The following UNC13C variants were observed in gnomAD, a reference collection of about 807,000 sequenced individuals.
The protein encoded by UNC13C is protein unc-13 homolog C.
A neutral mutation model predicts 245.4 loss-of-function variants in UNC13C; 174 were observed. That is an observed-to-expected ratio of 0.71 (90% confidence interval 0.63 to 0.80). The LOEUF is 0.80. Among genes scored for constraint, UNC13C ranks in the 30% least tolerant of loss-of-function variants. The probability of loss-of-function intolerance (pLI) is 0.00; values close to 1 mark genes in which losing one functional copy is unlikely to be tolerated. For synonymous variants in UNC13C, 992 were observed against 895.1 expected, an observed-to-expected ratio of 1.11 and a Z score of -1.93; for missense variants, 2,829 against 2,602.9, an observed-to-expected ratio of 1.09 and a Z score of -1.89.
chr15:53,838,627 ATATT>A, the UNC13C span, among the ~76,000 whole-genome samples: 1 of 152,034 alleles, frequency 6.6e-6, no homozygotes, highest in African/African-American at 2.4e-5. Context: ...ATAATGAACT[ATATT>A]TATATATCTT....
rs775401915 is a variant in UNC13C, at chr15:54,014,706, C to T, written c.1803C>T (p.Pro601=). The change falls in exon 2 of 33, where the codon CCC becomes CCT. Residue 601 remains proline, a synonymous_variant. Coordinates refer to ENST00000260323, the MANE Select transcript of UNC13C (RefSeq NM_001080534.3). ...QEGTATLYDS[P]KDQHLNGGVQ... ...GAACAGCGACCCTGTATGACAGTCCCAAGGACCAGCATTTGAATGGAGGTG... is the reference window on the plus strand; with the variant it reads ...GAACAGCGACCCTGTATGACAGTCCTAAGGACCAGCATTTGAATGGAGGTG... 4 of 1,613,788 alleles carry T rather than the reference C, an allele frequency of 2.5e-6. No individual in the cohort carries two copies. The highest frequency in any genetic ancestry group is 2.5e-6 in the Non-Finnish European group (3 of 1,179,840).
chr15:54,501,013 G>T, intron 22 of UNC13C, 35 bp downstream of exon 22: 1 of 1,600,774 alleles, frequency 6.2e-7, no homozygotes, highest in Non-Finnish European at 8.5e-7. Context: ...TTTTTCTCTG[G>T]GTCTGTGGCA....
At position 54,302,331 on chromosome 15, in the gene UNC13C, C is replaced by T. The variant is rs555114818; in HGVS notation, c.4268+1958C>T. Among the ~76,000 whole-genome samples, 17 of 152,156 alleles carry T rather than the reference C, an allele frequency of 1.1e-4. No homozygotes were observed. In the East Asian group the frequency reaches 3.3e-3, roughly 29 times the overall value. On this transcript the variant is annotated intron_variant, in intron 13 of 32. Transcript: ENST00000260323. ...TTGTCAATTTTGGCTTTTGTTGCCACTGCTTTTGCTGTTTTAGTCATGAAG... is the reference window on the plus strand; with the variant it reads ...TTGTCAATTTTGGCTTTTGTTGCCATTGCTTTTGCTGTTTTAGTCATGAAG...
chr15:54,442,938 C>G (rs1890610327), intron 19 of UNC13C, among the ~76,000 whole-genome samples: 1 of 152,014 alleles, frequency 6.6e-6, no homozygotes, highest in South Asian at 2.1e-4. Context: ...ATAGAATTCA[C>G]TGGAAATAAT....
At chr15:54,205,633 G>C (rs966306629) in intron 4 of UNC13C, among the ~76,000 whole-genome samples, 1 of 152,124 alleles carries the variant, frequency 6.6e-6, no homozygotes, top group African/African-American at 2.4e-5. Context: ...CAGTTCTGCT[G>C]TCTGGAGCAA....
Position 54,014,445 on chromosome 15 carries a change from G to T in UNC13C, c.1542G>T (p.Leu514Phe). 1.2e-6 allele frequency: 2 copies of T among 1,613,734 alleles called. No individual in the cohort carries two copies. Among genetic ancestry groups the T allele is most frequent in the Non-Finnish European group, 1.7e-6 (2 of 1,179,806 alleles). ...ATTATGATAAAATCTCCTCACAGTTGCCAGAATCAGATATCTTGGAAAAGC... is the reference window on the plus strand; with the variant it reads ...ATTATGATAAAATCTCCTCACAGTTTCCAGAATCAGATATCTTGGAAAAGC... ...KSDYDKISSQ[L>F]PESDILEKQT... The change falls in exon 2 of 33, where the codon TTG becomes TTT. Residue 514 changes from leucine to phenylalanine, a missense_variant. Physicochemically the swap from Leu to Phe is conservative, Grantham distance 22 (BLOSUM62 0). Transcript: ENST00000260323.
At chr15:53,838,748 T>G in the UNC13C span, among the ~76,000 whole-genome samples, 1 of 152,034 alleles carries the variant, frequency 6.6e-6, no homozygotes, top group African/African-American at 2.4e-5. Context: ...TAAAACAATT[T>G]AGTGAAGATT....
chr15:53,976,243 A>G (rs1184165823), upstream of UNC13C, among the ~76,000 whole-genome samples: 1 of 152,216 alleles, frequency 6.6e-6, no homozygotes, highest in Non-Finnish European at 1.5e-5. Context: ...TTTGAAATAT[A>G]TGACCAGAAT....
chr15:54,333,567 A>G (rs1567194664), intron 15 of UNC13C, among the ~76,000 whole-genome samples, 200 bp from the exon 16 acceptor site: 1 of 152,104 alleles, frequency 6.6e-6, no homozygotes, highest in Non-Finnish European at 1.5e-5. Flanking sequence ...CAGCTTTCCA[A>G]GAGTAAAAAT....
chr15:54,225,027 C>CTTTTTTTTTTTTTT (rs60180489), intron 4 of UNC13C, among the ~76,000 whole-genome samples: 2 of 138,348 alleles, frequency 1.4e-5, no homozygotes, highest in Non-Finnish European at 3.2e-5. Flanking sequence ...CTTGTGTCTT[C>CTTTTTTTTTTTTTT]TTTTTTTTTT....
chr15:54,281,552 T>A (rs1442144211), intron 10 of UNC13C, among the ~76,000 whole-genome samples: 1 of 152,226 alleles, frequency 6.6e-6, no homozygotes, highest in Non-Finnish European at 1.5e-5. Flanking sequence ...TGTTATAGTT[T>A]TCTGGTAATT....
At chr15:53,854,132 T>TTTTG in the UNC13C span, among the ~76,000 whole-genome samples, 1 of 149,918 alleles carries the variant, frequency 6.7e-6, no homozygotes, top group African/African-American at 2.4e-5. Flanking sequence ...GTTTTTTTTT[T>TTTTG]TTTTTTGAGA....
chr15:54,093,894 T>C (rs1278489725), intron 2 of UNC13C, among the ~76,000 whole-genome samples: 1 of 152,200 alleles, frequency 6.6e-6, no homozygotes, highest in African/African-American at 2.4e-5. Context: ...GTAAATATAT[T>C]AAAAATCTGA....
intron 30 of UNC13C, among the ~76,000 whole-genome samples, chr15:54,594,642 C>T (rs1026887820): frequency 2.0e-5 from 3 of 152,118 alleles, no homozygotes; most frequent in Admixed American, 6.5e-5. Flanking sequence ...ACCCAGCTCC[C>T]GCACAAACTG....
At chr15:54,464,076 T>G (rs1298254414) in intron 19 of UNC13C, among the ~76,000 whole-genome samples, 1 of 152,232 alleles carries the variant, frequency 6.6e-6, no homozygotes. Flanking sequence ...TATGAAATTT[T>G]TATCATGTAA....
At chr15:53,894,377 G>A in the UNC13C span, among the ~76,000 whole-genome samples, 1 of 152,316 alleles carries the variant, frequency 6.6e-6, no homozygotes, top group African/African-American at 2.4e-5. Context: ...TATTCTTATA[G>A]TTGCTTTGGC....
At chr15:54,622,632 C>T (rs1055762477) in intron 31 of UNC13C, among the ~76,000 whole-genome samples, 5 of 152,104 alleles carry the variant, frequency 3.3e-5, no homozygotes, top group African/African-American at 4.8e-5. Context: ...TATATAAATA[C>T]ACTGATTAAA....
chr15:54,586,516 T>C (rs1898500305), intron 30 of UNC13C, among the ~76,000 whole-genome samples: 1 of 152,236 alleles, frequency 6.6e-6, no homozygotes, highest in Non-Finnish European at 1.5e-5. Context: ...TTCTATCATA[T>C]TGGAGCCCCA....
intron 16 of UNC13C, among the ~76,000 whole-genome samples, chr15:54,335,026 A>G (rs893511508): frequency 2.6e-5 from 4 of 152,174 alleles, no homozygotes; most frequent in Non-Finnish European, 4.4e-5. Flanking sequence ...TCAAGCTCCA[A>G]TCACATACTC....
Sources: allele counts gnomAD v4.1 joint callset (sites outside exome capture counted in the v4.1 genomes callset), GRCh38; gene constraint gnomAD v4.1.1; transcripts MANE v1.5; gene names NCBI Gene and HGNC (gene_info 2026-07-23, HGNC 2026-07-21).